Variants in HIBCH observed in about 807,000 individuals in gnomAD.
The protein encoded by HIBCH is 3-hydroxyisobutyryl-CoA hydrolase, mitochondrial.
A neutral mutation model predicts 58.2 loss-of-function variants in HIBCH; 50 were observed. That is an observed-to-expected ratio of 0.86 (90% CI 0.68 to 1.09). HIBCH has a LOEUF of 1.09. Among genes scored for constraint, HIBCH ranks in the 50% least tolerant of loss-of-function variants. The pLI is 0.00. For synonymous variants in HIBCH, 151 were observed against 146.9 expected (o/e 1.03, Z -0.20); for missense variants, 450 against 449.7 (o/e 1.00, Z -0.01).
At chr2:190,205,363 A>G in intron 13 of HIBCH, 131 bp from the exon 14 acceptor site, 1 of 632,332 alleles carries the variant, frequency 1.6e-6, no homozygotes, top group East Asian at 2.8e-5. Context: ...CAAAATTTTT[A>G]TATGTATTCT....
intron 11 of HIBCH, among the ~76,000 whole-genome samples, chr2:190,231,332 A>T (rs1686089979): frequency 6.6e-6 from 1 of 152,240 alleles, no homozygotes; most frequent in Non-Finnish European, 1.5e-5. Flanking sequence ...ATCAATACTG[A>T]TAAAAGAGAA....
chr2:190,218,925 G>T (rs1201714969), intron 11 of HIBCH, among the ~76,000 whole-genome samples: 3 of 152,176 alleles, frequency 2.0e-5, no homozygotes, highest in Admixed American at 6.5e-5. Context: ...GTAAGCCCGT[G>T]GGAAAACTCT....
At chr2:190,237,703 G>A (rs1686319505) in intron 11 of HIBCH, among the ~76,000 whole-genome samples, 1 of 151,968 alleles carries the variant, frequency 6.6e-6, no homozygotes, top group South Asian at 2.1e-4. Flanking sequence ...TGCAGAACGT[G>A]CAGGTTTGTT....
rs1037168617 is a variant in HIBCH, at chr2:190,304,269, A to G, written c.78+6485T>C. Among the ~76,000 whole-genome samples, 15 of 141,370 alleles carry G rather than the reference A, an allele frequency of 1.1e-4. No homozygotes were observed. The highest frequency in any genetic ancestry group is 3.2e-4 in the African/African-American group (12 of 38,040). The allele number at this position is 141,370 out of a possible 152,430, so 92.7% of individuals were successfully genotyped here. ...TAATTTGTTAAAAAAAAAAAAAAAAAGGAATTTATTCTTTTCCTTAGTTAT... is the reference window on the plus strand; with the variant it reads ...TAATTTGTTAAAAAAAAAAAAAAAAGGGAATTTATTCTTTTCCTTAGTTAT... On this transcript the variant is annotated intron_variant, in intron 2 of 13. Transcript: ENST00000359678. This position sits in a 1 kb window ranked among gnomAD's most constrained non-coding sequence, Gnocchi z 4.1.
downstream of HIBCH, chr2:190,201,655 A>T (rs924505301): frequency 6.0e-6 from 1 of 167,060 alleles, no homozygotes; most frequent in African/African-American, 2.4e-5. Context: ...GGAAAACATT[A>T]TTTGAAATAT....
At chr2:190,313,342 T>C (rs570329702) in intron 1 of HIBCH, among the ~76,000 whole-genome samples, 89 of 152,280 alleles carry the variant, frequency 5.8e-4, no homozygotes, top group Admixed American at 1.3e-3. Flanking sequence ...AGTTTAAGAG[T>C]GTGAGGTCCC....
intron 11 of HIBCH, among the ~76,000 whole-genome samples, chr2:190,239,790 TAG>T (rs1686397485): frequency 6.6e-6 from 1 of 151,798 alleles, no homozygotes; most frequent in Non-Finnish European, 1.5e-5. Flanking sequence ...GCTGGGATTA[TAG>T]CCATGTGCCA....
At chr2:190,234,392 C>T (rs756100578) in intron 11 of HIBCH, among the ~76,000 whole-genome samples, 1 of 152,136 alleles carries the variant, frequency 6.6e-6, no homozygotes, top group Non-Finnish European at 1.5e-5. Context: ...ACAGTAAAAT[C>T]CTGCAAATAA....
chr2:190,249,288 C>T (rs1686697508), intron 9 of HIBCH, among the ~76,000 whole-genome samples: 1 of 152,180 alleles, frequency 6.6e-6, no homozygotes, highest in South Asian at 2.1e-4. Flanking sequence ...CTGCAATAAA[C>T]TTTATTAAAT....
chr2:190,200,879 T>TTACAAAGAGCAATCCAA (rs1690216093), downstream of HIBCH: 2 of 167,044 alleles, frequency 1.2e-5, no homozygotes, highest in Admixed American at 1.3e-4. Flanking sequence ...GGGGTACCTT[T>TTACAAAGAGCAATCCAA]TACAAAGAGC....
chr2:190,312,116 G>T (rs993366818), intron 1 of HIBCH, among the ~76,000 whole-genome samples: 3 of 152,108 alleles, frequency 2.0e-5, no homozygotes, highest in African/African-American at 7.2e-5. Context: ...AGACAACACC[G>T]GGAACGGCAG....
At position 190,208,728 on chromosome 2, in the gene HIBCH, T is replaced by C. The variant is rs1195568263; in HGVS notation, c.1045+152A>G. 1.0e-5 allele frequency: 7 copies of C among 680,818 alleles called. No individual in the cohort carries two copies. The Admixed American group carries it at 1.4e-4, about 14-fold the overall frequency. The allele number at this position is 680,818 out of a possible 1,614,324, so 42.2% of individuals were successfully genotyped here. A position where few individuals can be genotyped will look rare whatever the true frequency, so the allele number is the denominator to read the frequency against. On this transcript the variant is annotated intron_variant, in intron 13 of 13. Coordinates refer to ENST00000359678, the MANE Select transcript of HIBCH (RefSeq NM_014362.4). ...CATTATACTTATGGTCCAATGAACATTTGAGTGTCATGTTGGTGCTCAAAT... is the reference window on the plus strand; with the variant it reads ...CATTATACTTATGGTCCAATGAACACTTGAGTGTCATGTTGGTGCTCAAAT...
At chr2:190,269,302 T>C (rs1277427041) in intron 6 of HIBCH, among the ~76,000 whole-genome samples, 5 of 151,898 alleles carry the variant, frequency 3.3e-5, no homozygotes, top group African/African-American at 1.2e-4. Context: ...AGGCAACCTA[T>C]GGAATGAGAG....
chr2:190,264,316 T>C (rs1297421029), intron 6 of HIBCH, among the ~76,000 whole-genome samples: 3 of 151,780 alleles, frequency 2.0e-5, no homozygotes, highest in Non-Finnish European at 1.5e-5. Flanking sequence ...ATGTATAATA[T>C]CCACTTAAAG....
chr2:190,248,704 C>T (rs1010471192), intron 9 of HIBCH, among the ~76,000 whole-genome samples: 2 of 151,672 alleles, frequency 1.3e-5, no homozygotes, highest in African/African-American at 4.8e-5. Flanking sequence ...TCTACTAAAA[C>T]ACAAAAATTA....
In HIBCH at chr2:190,306,886, T is replaced by C. The variant is rs137912741; in HGVS notation, c.78+3868A>G. On this transcript the variant is annotated intron_variant, in intron 2 of 13. Coordinates refer to ENST00000359678, the MANE Select transcript of HIBCH (RefSeq NM_014362.4). This position sits in a 1 kb window ranked among gnomAD's most constrained non-coding sequence, Gnocchi z 4.6. ...CCCTGGAGAGCTTCTTCACCCCTTC[T>C]ACCACAAGAGGACAGAGAGATAAGA... is the stretch of plus-strand genomic sequence containing the variant. Among the ~76,000 whole-genome samples, 1,159 of 152,250 alleles carry C rather than the reference T, an allele frequency of 7.6e-3. 9 individuals carry two copies. The highest frequency in any genetic ancestry group is 0.011 in the Non-Finnish European group (780 of 68,024).
rs751534916 is a variant in HIBCH, at chr2:190,254,502, A to G, written c.518-2195T>C. Among the ~76,000 whole-genome samples the G allele has an allele frequency of 6.6e-5, 10 of 152,202 alleles. No individual in the cohort carries two copies. The highest frequency in any genetic ancestry group is 1.5e-4 in the Non-Finnish European group (10 of 68,036). ...TTATGCAGCCCTAAAAGTTTAATACACTGCGAAATCACTCATGCCTTCTCC... is the reference window on the plus strand; with the variant it reads ...TTATGCAGCCCTAAAAGTTTAATACGCTGCGAAATCACTCATGCCTTCTCC... On this transcript the variant is annotated intron_variant, in intron 7 of 13. Transcript: ENST00000359678. This position sits in a 1 kb window ranked among gnomAD's most constrained non-coding sequence, Gnocchi z 5.0.
intron 5 of HIBCH, among the ~76,000 whole-genome samples, chr2:190,287,874 G>A (rs1318465772): frequency 6.6e-6 from 1 of 152,018 alleles, no homozygotes; most frequent in Non-Finnish European, 1.5e-5. Context: ...ACAAAAGCCA[G>A]GGCCCAGTGT....
At chr2:190,263,786 T>C (rs187834591) in intron 6 of HIBCH, among the ~76,000 whole-genome samples, 5 of 152,268 alleles carry the variant, frequency 3.3e-5, no homozygotes, top group Admixed American at 2.0e-4. Flanking sequence ...ATCTCAGCAT[T>C]ACCTTCTTTC....
Sources: gnomAD v4.1 joint callset for allele counts (sites outside exome capture counted in the v4.1 genomes callset) on GRCh38, gnomAD v4.1.1 for gene constraint, Gnocchi (gnomAD v3.1) non-coding constraint, MANE v1.5 for transcripts, NCBI Gene and HGNC (gene_info 2026-07-23, HGNC 2026-07-21) for gene names.